The following PLCL1 variants were observed in gnomAD, a reference collection of about 807,000 sequenced individuals.
PLCL1 encodes the protein phospholipase C like 1 (inactive), also known as inactive phospholipase C-like protein 1.
A neutral mutation model predicts 84.4 loss-of-function variants in PLCL1; 41 were observed. The ratio of observed to expected loss-of-function variants is 0.49; its 90% CI spans 0.38 to 0.63. The LOEUF is 0.63. PLCL1 is among the 30% of genes least tolerant of loss of function. The probability of loss-of-function intolerance (pLI) is 0.00; values close to 1 mark genes in which losing one functional copy is unlikely to be tolerated. For missense variants in PLCL1, 1,206 were observed against 1,367.8 expected (o/e 0.88, Z 1.87); for synonymous variants, 490 against 488.3 (o/e 1.00, Z -0.05).
intron 1 of PLCL1, among the ~76,000 whole-genome samples, chr2:198,013,723 C>T (rs1267397129): frequency 6.6e-6 from 1 of 152,076 alleles, no homozygotes; most frequent in African/African-American, 2.4e-5. Flanking sequence ...AATTATGAAA[C>T]ACCAATGAAC....
At chr2:197,922,877 A>G (rs375102804) in intron 1 of PLCL1, among the ~76,000 whole-genome samples, 7,762 of 62,114 alleles carry the variant, frequency 0.12, 35 homozygotes, top group East Asian at 0.23. Flanking sequence ...CTCACCTCCC[A>G]GACGGGGCGG....
Position 198,084,969 on chromosome 2 carries a change from A to G in PLCL1, c.1452A>G (p.Glu484=). ...VINKFAFVAS[E]YPLILCLGNH... is the part of the protein sequence containing the mutation. ...ATAAATTTGCCTTTGTTGCTTCTGAATACCCACTCATTCTTTGCTTGGGAA... is the reference window on the plus strand; with the variant it reads ...ATAAATTTGCCTTTGTTGCTTCTGAGTACCCACTCATTCTTTGCTTGGGAA... Residue 484 remains glutamate, a synonymous_variant, in exon 2 of 6, where the codon GAA becomes GAG. Coordinates refer to ENST00000428675, the MANE Select transcript of PLCL1 (RefSeq NM_006226.4). 1 of 1,614,048 alleles carries G rather than the reference A, an allele frequency of 6.2e-7. No individual in the cohort carries two copies. Among genetic ancestry groups the G allele is most frequent in the Non-Finnish European group, 8.5e-7 (1 of 1,179,990 alleles).
chr2:198,138,339 C>G (rs1396525035), intron 5 of PLCL1, among the ~76,000 whole-genome samples: 2 of 152,138 alleles, frequency 1.3e-5, no homozygotes, highest in East Asian at 1.9e-4. Context: ...TACACACTTT[C>G]AAACAACCAG....
At chr2:197,975,118 G>A (rs944814916) in intron 1 of PLCL1, among the ~76,000 whole-genome samples, 15 of 142,930 alleles carry the variant, frequency 1.0e-4, no homozygotes, top group East Asian at 6.1e-4. Flanking sequence ...TCCGCAGTCC[G>A]GCCTGGGCGA....
intron 1 of PLCL1, among the ~76,000 whole-genome samples, chr2:197,981,915 T>C (rs1303119453): frequency 6.6e-6 from 1 of 152,184 alleles, no homozygotes; most frequent in Non-Finnish European, 1.5e-5. Context: ...TGGGTAGCAT[T>C]TCTTGATAAA....
At chr2:197,882,138 C>T (rs901522757) in intron 1 of PLCL1, among the ~76,000 whole-genome samples, 1 of 152,058 alleles carries the variant, frequency 6.6e-6, no homozygotes, top group Non-Finnish European at 1.5e-5. Context: ...TTCCTCAGGG[C>T]AGTGGAGGGG....
intron 1 of PLCL1, among the ~76,000 whole-genome samples, chr2:197,862,821 C>T (rs1284323229): frequency 6.6e-6 from 1 of 152,112 alleles, no homozygotes; most frequent in African/African-American, 2.4e-5. Context: ...TTGATTGTCT[C>T]AGGCCTCTCT....
At chr2:198,020,831 C>T (rs561343728) in intron 1 of PLCL1, among the ~76,000 whole-genome samples, 42 of 152,274 alleles carry the variant, frequency 2.8e-4, no homozygotes, top group Admixed American at 2.6e-3. Flanking sequence ...CAATATTCAA[C>T]TGATCAACGA....
rs533249221 is a variant in PLCL1 at position 198,101,374 on chromosome 2, A to AT, written c.2995+23dup. ...GTCAGAAAGCAGGTAATTGTTTTTA[A>AT]TTTTTTTTTCTGTTTTTTTTTTCTA... On this transcript the variant is annotated intron_variant, in intron 4 of 5. Coordinates refer to ENST00000428675, the MANE Select transcript of PLCL1 (RefSeq NM_006226.4). 983 of 1,396,140 alleles carry AT rather than the reference A, an allele frequency of 7.0e-4. No individual in the cohort carries two copies. Among genetic ancestry groups the AT allele is most frequent in the Non-Finnish European group, 8.0e-4 (813 of 1,019,078 alleles). The allele number at this position is 1,396,140 out of a possible 1,614,324, so 86.5% of individuals were successfully genotyped here. A position where few individuals can be genotyped will look rare whatever the true frequency, so the allele number is the denominator to read the frequency against.
At chr2:198,077,033 C>G (rs192865417) in intron 1 of PLCL1, among the ~76,000 whole-genome samples, 1 of 152,324 alleles carries the variant, frequency 6.6e-6, no homozygotes, top group East Asian at 1.9e-4. Flanking sequence ...GTGGAGCCAA[C>G]ATTTTTGAGG....
At chr2:197,960,498 A>C (rs1689590467) in intron 1 of PLCL1, among the ~76,000 whole-genome samples, 1 of 152,118 alleles carries the variant, frequency 6.6e-6, no homozygotes, top group African/African-American at 2.4e-5. Flanking sequence ...TGAGAGTAGC[A>C]ACACATGGCT....
chr2:198,012,240 G>A (rs1329454045), intron 1 of PLCL1, among the ~76,000 whole-genome samples: 1 of 152,100 alleles, frequency 6.6e-6, no homozygotes, highest in Admixed American at 6.6e-5. Context: ...TATACCCAGG[G>A]GCAATGGGGA....
At chr2:197,833,531 T>C (rs1273704200) in intron 1 of PLCL1, among the ~76,000 whole-genome samples, 3 of 151,988 alleles carry the variant, frequency 2.0e-5, no homozygotes, top group Non-Finnish European at 4.4e-5. Flanking sequence ...CATACACCAA[T>C]AATAGACAAA....
At chr2:197,966,672 C>T (rs1689744278) in intron 1 of PLCL1, among the ~76,000 whole-genome samples, 1 of 152,046 alleles carries the variant, frequency 6.6e-6, no homozygotes, top group Non-Finnish European at 1.5e-5. Flanking sequence ...TTCTTCAGTG[C>T]CTCTTTCACC....
At chr2:197,996,626 C>T (rs1317036979) in intron 1 of PLCL1, among the ~76,000 whole-genome samples, 1 of 151,704 alleles carries the variant, frequency 6.6e-6, no homozygotes, top group Non-Finnish European at 1.5e-5. Context: ...AAAAAAAAGC[C>T]AGTGAAGATC....
In PLCL1 at chr2:198,147,018, CTTG is replaced by C; in HGVS notation, c.*59_*61del. On this transcript the variant is annotated 3_prime_UTR_variant, in exon 6 of 6. Coordinates refer to ENST00000428675, the MANE Select transcript of PLCL1 (RefSeq NM_006226.4). The stretch of plus-strand genomic sequence containing the variant: ...TTATCAAGGACTCTGGTTTCTCATT[CTTG>C]TTTTCTTTCTTTAAATGTTTTATAA... The C allele has an allele frequency of 7.1e-7, 1 of 1,399,626 alleles. No individual in the cohort carries two copies. The highest frequency in any genetic ancestry group is 9.6e-7 in the Non-Finnish European group (1 of 1,040,652). The allele number at this position is 1,399,626 out of a possible 1,614,324, so 86.7% of individuals were successfully genotyped here. A position where few individuals can be genotyped will look rare whatever the true frequency, so the allele number is the denominator to read the frequency against.
At chr2:197,838,210 T>C (rs566271479) in intron 1 of PLCL1, among the ~76,000 whole-genome samples, 1 of 152,362 alleles carries the variant, frequency 6.6e-6, no homozygotes, top group Non-Finnish European at 1.5e-5. Flanking sequence ...AATCATCTTT[T>C]AGAGTTTCAG....
chr2:197,815,440 G>C (rs892996203), intron 1 of PLCL1, among the ~76,000 whole-genome samples: 3 of 152,154 alleles, frequency 2.0e-5, no homozygotes, highest in African/African-American at 7.2e-5. Flanking sequence ...TCACCTAAGA[G>C]CTCTGATGGA....
intron 1 of PLCL1, among the ~76,000 whole-genome samples, chr2:197,959,558 T>C (rs1265094219): frequency 6.6e-6 from 1 of 152,016 alleles, no homozygotes; most frequent in Non-Finnish European, 1.5e-5. Flanking sequence ...GGCCAGATGG[T>C]TATAACTACA....
Sources: gnomAD v4.1 joint callset for allele counts (sites outside exome capture counted in the v4.1 genomes callset) on GRCh38, gnomAD v4.1.1 for gene constraint, MANE v1.5 for transcripts, NCBI Gene and HGNC (gene_info 2026-07-23, HGNC 2026-07-21) for gene names.